Variants in TDRD3 observed in about 807,000 individuals in gnomAD.
TDRD3 encodes the protein tudor domain containing 3, also known as tudor domain-containing protein 3.
TDRD3 carries 45 observed loss-of-function variants against 86.7 expected under a neutral mutation model. The ratio of observed to expected loss-of-function variants is 0.52; its 90% CI spans 0.41 to 0.67. The LOEUF is 0.67. Among genes scored for constraint, TDRD3 ranks in the 30% least tolerant of loss-of-function variants. TDRD3 has a pLI of 0.00. For missense variants in TDRD3, 814 were observed against 889.0 expected (o/e 0.92, Z 1.07); for synonymous variants, 298 against 301.7 (o/e 0.99, Z 0.13).
chr13:60,456,964 GA>G (rs1161699777), intron 3 of TDRD3, among the ~76,000 whole-genome samples: 2 of 152,136 alleles, frequency 1.3e-5, no homozygotes, highest in Non-Finnish European at 2.9e-5. Context: ...CCAAAGTGCT[GA>G]GATTACAGGT....
chr13:60,535,321 C>A (rs1278257223), intron 12 of TDRD3, 88 bp downstream of exon 12: 4 of 1,379,422 alleles, frequency 2.9e-6, no homozygotes, highest in Non-Finnish European at 3.8e-6. Context: ...ACAAAATATG[C>A]AAGTGGAATC....
intron 12 of TDRD3, chr13:60,536,087 A>G (rs1430135947): frequency 3.9e-5 from 6 of 152,066 alleles, no homozygotes; most frequent in African/African-American, 1.4e-4. Flanking sequence ...TGAAGGGTAC[A>G]TTGTTTTCTC....
At chr13:60,473,159 T>C (rs1313337819) in intron 5 of TDRD3, among the ~76,000 whole-genome samples, 2 of 152,178 alleles carry the variant, frequency 1.3e-5, no homozygotes, top group East Asian at 3.8e-4. Flanking sequence ...CATAACATGG[T>C]GGAAGGACAA....
At chr13:60,432,135 T>G (rs1409147551) in intron 1 of TDRD3, among the ~76,000 whole-genome samples, 1 of 152,054 alleles carries the variant, frequency 6.6e-6, no homozygotes, top group East Asian at 1.9e-4. Context: ...TTTTCCACCA[T>G]TTTTCATAGT....
At chr13:60,439,190 G>A (rs968993341) in intron 1 of TDRD3, among the ~76,000 whole-genome samples, 8 of 152,164 alleles carry the variant, frequency 5.3e-5, no homozygotes, top group African/African-American at 1.9e-4. Flanking sequence ...GGAATTAATA[G>A]CCTTTATTGA....
chr13:60,478,023 T>C (rs937605951), intron 5 of TDRD3, among the ~76,000 whole-genome samples: 1 of 112,770 alleles, frequency 8.9e-6, no homozygotes, highest in Non-Finnish European at 2.1e-5. Context: ...GGTTAAGAGA[T>C]TTTTTTTTAT....
At position 60,469,968 on chromosome 13, in the gene TDRD3, G is replaced by T. The variant is rs186926620; in HGVS notation, c.495+2589G>T. Reference sequence around the variant, plus strand: ...GAACATTCGCATTGTTGCACAGCTGGTACCACCATCCACTTCCCTAACTTT... The same window carrying T: ...GAACATTCGCATTGTTGCACAGCTGTTACCACCATCCACTTCCCTAACTTT... On this transcript the variant is annotated intron_variant, in intron 5 of 13. Coordinates refer to ENST00000377881, the MANE Select transcript of TDRD3 (RefSeq NM_001146070.2). Among the ~76,000 whole-genome samples the T allele has an allele frequency of 2.7e-3, 409 of 152,146 alleles. 2 individuals carry two copies. The highest frequency in any genetic ancestry group is 2.6e-3 in the Non-Finnish European group (176 of 67,986).
rs751242269 is a variant in TDRD3, at chr13:60,494,427, A to C, written c.718-8A>C. The C allele has an allele frequency of 4.3e-6, 7 of 1,609,842 alleles. No individual in the cohort carries two copies. Among genetic ancestry groups the C allele is most frequent in the Non-Finnish European group, 5.9e-6 (7 of 1,177,816 alleles). ...CATACCTCTCTTTTATCTTTCTCTT[A>C]TGTAAAGACCAAGACATTTGGAGGA... is the stretch of plus-strand genomic sequence containing the variant. On this transcript the variant is annotated splice_region_variant and splice_polypyrimidine_tract_variant and intron_variant, in intron 7 of 13. Transcript: ENST00000377881.
intron 12 of TDRD3, among the ~76,000 whole-genome samples, chr13:60,550,043 TACC>T (rs1353736532): frequency 6.6e-6 from 1 of 152,084 alleles, no homozygotes; most frequent in East Asian, 1.9e-4. Context: ...TTCTAATTGG[TACC>T]ATGCCAAAAT....
At chr13:60,509,673 A>G (rs1230383976) in intron 8 of TDRD3, 90 bp from the exon 9 acceptor site, 2 of 1,493,202 alleles carry the variant, frequency 1.3e-6, no homozygotes, top group East Asian at 2.3e-5. Flanking sequence ...ATGGGATGTA[A>G]TTTTTAGTTA....
At chr13:60,503,338 T>C (rs1349601425) in intron 8 of TDRD3, among the ~76,000 whole-genome samples, 1 of 152,204 alleles carries the variant, frequency 6.6e-6, no homozygotes, top group Non-Finnish European at 1.5e-5. Flanking sequence ...ACAAGAATTG[T>C]CTGCAAATGA....
intron 1 of TDRD3, 109 bp downstream of exon 1, chr13:60,397,514 C>T: frequency 1.1e-6 from 1 of 907,766 alleles, no homozygotes; most frequent in South Asian, 2.9e-5. Flanking sequence ...AGGCTGTCGT[C>T]CGCCCCCGGC....
chr13:60,526,696 C>G (rs1957444371), intron 10 of TDRD3, among the ~76,000 whole-genome samples: 1 of 147,744 alleles, frequency 6.8e-6, no homozygotes, highest in Non-Finnish European at 1.5e-5. Context: ...AATCTTCATT[C>G]TTTGTCACAG....
chr13:60,522,784 A>G (rs1957318114), intron 10 of TDRD3, among the ~76,000 whole-genome samples: 1 of 152,248 alleles, frequency 6.6e-6, no homozygotes, highest in Admixed American at 6.5e-5. Flanking sequence ...CAGCCCCATC[A>G]GGGATTGTGA....
At chr13:60,528,262 A>G in intron 10 of TDRD3, 105 bp from the exon 11 acceptor site, 1 of 1,258,714 alleles carries the variant, frequency 7.9e-7, no homozygotes, top group South Asian at 1.9e-5. Context: ...AAGATTTTAG[A>G]ATAGTAGTTT....
At chr13:60,435,336 T>C (rs2137937060) in intron 1 of TDRD3, among the ~76,000 whole-genome samples, 1 of 152,258 alleles carries the variant, frequency 6.6e-6, no homozygotes, top group Middle Eastern at 3.4e-3. Context: ...AGTTCTATAG[T>C]GGTGAATTCT....
rs142445454 is a variant in TDRD3, at chr13:60,488,113, TA to T, written c.717+2166del. On this transcript the variant is annotated intron_variant, in intron 7 of 13. Coordinates refer to ENST00000377881, the MANE Select transcript of TDRD3 (RefSeq NM_001146070.2). Reference sequence around the variant, plus strand: ...TGAGTGTTGCCAGGAAAGAAGGCTTTATTTGGGTGCTACAGCTGAAGAGATG... The same window carrying T: ...TGAGTGTTGCCAGGAAAGAAGGCTTTTTTGGGTGCTACAGCTGAAGAGATG... 2.2e-3 allele frequency among the ~76,000 whole-genome samples: 333 copies of T among 152,284 alleles called. 1 individual carries two copies. Among genetic ancestry groups the T allele is most frequent in the African/African-American group, 7.7e-3 (321 of 41,560 alleles).
At chr13:60,428,375 G>C (rs1348427553) in intron 1 of TDRD3, among the ~76,000 whole-genome samples, 1 of 151,886 alleles carries the variant, frequency 6.6e-6, no homozygotes, top group Non-Finnish European at 1.5e-5. Flanking sequence ...ACTATGAAGA[G>C]GTATGGGGGA....
At chr13:60,485,706 T>TA in intron 6 of TDRD3, 93 bp from the exon 7 acceptor site, 2 of 1,028,728 alleles carry the variant, frequency 1.9e-6, no homozygotes, top group Non-Finnish European at 1.3e-6. Flanking sequence ...TTGTAAAAGA[T>TA]ACAAGATACT....
Sources: gnomAD v4.1 joint callset for allele counts (sites outside exome capture counted in the v4.1 genomes callset) on GRCh38, gnomAD v4.1.1 for gene constraint, MANE v1.5 for transcripts, NCBI Gene and HGNC (gene_info 2026-07-23, HGNC 2026-07-21) for gene names.